The following NREP variants were observed in gnomAD, a reference collection of about 807,000 sequenced individuals.
The protein encoded by NREP is neuronal regeneration-related protein.
A neutral mutation model predicts 8.6 loss-of-function variants in NREP; 5 were observed. The observed-to-expected ratio is 0.58, with a 90% CI of 0.30 to 1.22. The LOEUF (loss-of-function observed/expected upper bound fraction) is 1.22, where lower values mean the gene tolerates loss of function less well. NREP is among the 50% of genes most tolerant of loss of function. NREP has a pLI of 0.07. For synonymous variants in NREP, 27 were observed against 28.0 expected (o/e 0.96, Z 0.11); for missense variants, 86 against 82.5 (o/e 1.04, Z -0.17).
At chr5:111,810,071 G>A (rs1219926492) in intron 2 of NREP, among the ~76,000 whole-genome samples, 1 of 152,064 alleles carries the variant, frequency 6.6e-6, no homozygotes, top group Non-Finnish European at 1.5e-5. Context: ...ATATTAGTTA[G>A]CCAAATAAAT....
chr5:111,965,523 C>T (rs2112661050), intron 2 of NREP, among the ~76,000 whole-genome samples: 1 of 152,192 alleles, frequency 6.6e-6, no homozygotes, highest in East Asian at 1.9e-4. Flanking sequence ...AAACCCCATC[C>T]CATAAGCTCA....
At chr5:111,780,366 A>G (rs1751463373) in intron 2 of NREP, among the ~76,000 whole-genome samples, 1 of 152,208 alleles carries the variant, frequency 6.6e-6, no homozygotes, top group Non-Finnish European at 1.5e-5. Flanking sequence ...AGTTTTTGCT[A>G]CTGTGAGAGA....
chr5:111,733,940 C>T (rs1304138536), intron 3 of NREP: 2 of 152,116 alleles, frequency 1.3e-5, no homozygotes, highest in African/African-American at 4.8e-5. Context: ...TATGCTTTTC[C>T]AGAAGGGAAC....
chr5:111,897,873 A>T (rs1349736930), intron 2 of NREP, among the ~76,000 whole-genome samples: 8 of 152,182 alleles, frequency 5.3e-5, no homozygotes, highest in Non-Finnish European at 1.2e-4. Context: ...TATTCTCACT[A>T]ATCAAAGATG....
intron 2 of NREP, among the ~76,000 whole-genome samples, chr5:111,914,979 G>C (rs906709014): frequency 6.6e-6 from 1 of 151,990 alleles, no homozygotes; most frequent in Non-Finnish European, 1.5e-5. Context: ...ATTAATACAA[G>C]TCCTTTTCAT....
intron 2 of NREP, among the ~76,000 whole-genome samples, chr5:111,923,125 G>T (rs1281030547): frequency 6.6e-6 from 1 of 152,164 alleles, no homozygotes; most frequent in African/African-American, 2.4e-5. Context: ...GAGCATGGAG[G>T]ATAAGAAAGA....
chr5:111,759,775 C>G (rs1220240903), upstream of NREP, among the ~76,000 whole-genome samples: 5 of 152,154 alleles, frequency 3.3e-5, no homozygotes, highest in African/African-American at 1.2e-4. Context: ...CAAACTGTAG[C>G]TATAGCTGTC....
chr5:111,954,403 C>A (rs1490371442), intron 2 of NREP, among the ~76,000 whole-genome samples: 1 of 152,078 alleles, frequency 6.6e-6, no homozygotes, highest in African/African-American at 2.4e-5. Flanking sequence ...CTTGGTTTGG[C>A]AGAGGTTGTC....
intron 2 of NREP, among the ~76,000 whole-genome samples, chr5:111,966,999 C>T (rs1309304135): frequency 6.6e-6 from 1 of 152,230 alleles, no homozygotes; most frequent in African/African-American, 2.4e-5. Context: ...CCCCAAGAGA[C>T]ATCTGGCCAT....
intron 2 of NREP, among the ~76,000 whole-genome samples, chr5:111,764,681 T>C (rs1337341026): frequency 6.6e-6 from 1 of 152,190 alleles, no homozygotes; most frequent in African/African-American, 2.4e-5. Context: ...ATCTTTGCCT[T>C]TAGAATGAGG....
intron 2 of NREP, among the ~76,000 whole-genome samples, chr5:111,755,021 A>T (rs1561650381): frequency 6.6e-6 from 1 of 151,970 alleles, no homozygotes; most frequent in African/African-American, 2.4e-5. Flanking sequence ...TATTTCTATT[A>T]TTTTTTTTAG....
intron 2 of NREP, among the ~76,000 whole-genome samples, chr5:111,852,901 G>C (rs1055122996): frequency 2.0e-5 from 3 of 152,114 alleles, no homozygotes; most frequent in African/African-American, 7.2e-5. Context: ...TCTGTGCCTA[G>C]ATCCCTTAAA....
upstream of NREP, chr5:111,757,871 C>G (rs1043615448): frequency 1.0e-6 from 1 of 980,690 alleles, no homozygotes; most frequent in Non-Finnish European, 1.2e-6. Flanking sequence ...TGAAGGCGGC[C>G]AGGGTGCTGC....
At chr5:111,764,892 G>A (rs1445907752) in intron 2 of NREP, among the ~76,000 whole-genome samples, 1 of 152,116 alleles carries the variant, frequency 6.6e-6, no homozygotes, top group Non-Finnish European at 1.5e-5. Context: ...TATGTTTGTT[G>A]CACTTTCTAA....
intron 2 of NREP, among the ~76,000 whole-genome samples, chr5:111,893,488 C>T (rs953632015): frequency 6.6e-6 from 1 of 151,556 alleles, no homozygotes; most frequent in Non-Finnish European, 1.5e-5. Context: ...TCTGGTGAAA[C>T]TTTTTTGTAT....
chr5:111,922,042 C>T (rs562593388), intron 2 of NREP, among the ~76,000 whole-genome samples: 1 of 152,212 alleles, frequency 6.6e-6, no homozygotes, highest in East Asian at 1.9e-4. Flanking sequence ...ATGTCTTTAC[C>T]AGCAGTGTGA....
At chr5:111,882,002 G>A (rs574509250) in intron 2 of NREP, among the ~76,000 whole-genome samples, 36 of 152,216 alleles carry the variant, frequency 2.4e-4, no homozygotes, top group Non-Finnish European at 4.9e-4. Context: ...CGAGTTGAGA[G>A]AAGAAGGCTT....
At chr5:111,874,381 T>A (rs752103650) in intron 2 of NREP, among the ~76,000 whole-genome samples, 27 of 152,326 alleles carry the variant, frequency 1.8e-4, no homozygotes, top group Admixed American at 5.2e-4. Flanking sequence ...TTGAGATCAA[T>A]GTGCTTTGAT....
At chr5:111,764,193 G>T (rs1207705002) in intron 2 of NREP, among the ~76,000 whole-genome samples, 3 of 152,158 alleles carry the variant, frequency 2.0e-5, no homozygotes, top group African/African-American at 7.2e-5. Context: ...TATGCTTTCA[G>T]GTGCTCCATT....
Sources: gnomAD v4.1 joint callset for allele counts (sites outside exome capture counted in the v4.1 genomes callset) on GRCh38, gnomAD v4.1.1 for gene constraint, MANE v1.5 for transcripts, NCBI Gene and HGNC (gene_info 2026-07-23, HGNC 2026-07-21) for gene names.